Variants in NR1D2 observed in about 807,000 individuals in gnomAD.
NR1D2 encodes nuclear receptor subfamily 1 group D member 2.
In NR1D2, 25 loss-of-function variants were observed where a neutral mutation model predicts 52.2. The observed-to-expected ratio is 0.48, with a 90% confidence interval of 0.35 to 0.67. The LOEUF is 0.67. Ranked by LOEUF, NR1D2 falls within the 30% of genes least tolerant of loss-of-function variation. The probability of loss-of-function intolerance (pLI) is 0.01; values close to 1 mark genes in which losing one functional copy is unlikely to be tolerated. For missense variants in NR1D2, 681 were observed against 707.2 expected (o/e 0.96, Z 0.42); for synonymous variants, 259 against 230.1 (o/e 1.13, Z -1.14).
At chr3:23,968,158 C>T (rs1454022938) in intron 7 of NR1D2, 135 bp downstream of exon 7, 2 of 660,086 alleles carry the variant, frequency 3.0e-6, no homozygotes, top group Non-Finnish European at 5.3e-6. Flanking sequence ...TTGTATGACC[C>T]TGTTATTTTT....
rs760442210 is a variant in NR1D2, at chr3:23,954,806, A to G, written c.283+3A>G. 6 of 1,609,780 alleles carry G rather than the reference A, an allele frequency of 3.7e-6. No homozygotes were observed. Among genetic ancestry groups the G allele is most frequent in the East Asian group, 4.5e-5 (2 of 44,800 alleles). On this transcript the variant is annotated splice_donor_region_variant and intron_variant, in intron 2 of 7. Transcript: ENST00000312521. ...AAAAAGTCATAGTGGTGTGACAAGT[A>G]AGTTACTTTGGTTTTCTAAAGATTG...
chr3:23,947,827 C>A (rs57434897), intron 1 of NR1D2, among the ~76,000 whole-genome samples: 2,210 of 152,214 alleles, frequency 0.015, 48 homozygotes, highest in African/African-American at 0.05. Context: ...ATAAGAATTG[C>A]CTTAAACTGG....
intron 3 of NR1D2, among the ~76,000 whole-genome samples, chr3:23,957,148 A>C (rs1706100245): frequency 1.3e-5 from 2 of 151,824 alleles, no homozygotes; most frequent in South Asian, 4.2e-4. Flanking sequence ...ACTCCAGGCT[A>C]ATTTTTGTAT....
At chr3:23,949,749 A>G (rs928013227) in intron 1 of NR1D2, among the ~76,000 whole-genome samples, 1 of 152,258 alleles carries the variant, frequency 6.6e-6, no homozygotes, top group Non-Finnish European at 1.5e-5. Flanking sequence ...TCTTGGTGAT[A>G]AAATGTTTTG....
chr3:23,950,815 G>A (rs952763566), intron 1 of NR1D2, among the ~76,000 whole-genome samples: 1 of 151,854 alleles, frequency 6.6e-6, no homozygotes, highest in Non-Finnish European at 1.5e-5. Flanking sequence ...AATTAATTAC[G>A]ATACAGTCCA....
chr3:23,969,309 CAAA>C (rs368033025), intron 7 of NR1D2, among the ~76,000 whole-genome samples: 1 of 146,190 alleles, frequency 6.8e-6, no homozygotes, highest in Admixed American at 6.8e-5. Context: ...ACAAAAACAA[CAAA>C]AAAAAAACAA....
At position 23,945,511 on chromosome 3, in the gene NR1D2, A is replaced by G. The variant is rs1575140240; in HGVS notation, c.-68A>G. On this transcript the variant is annotated 5_prime_UTR_variant, in exon 1 of 8. An upstream open reading frame in the 5' UTR loses its in-frame stop. Coordinates refer to ENST00000312521, the MANE Select transcript of NR1D2 (RefSeq NM_005126.5). ...TCCAGCCCGGGGCGGCGCGGCGCTG[A>G]GGCGGCGGCGGCGGCGCTGCCCCCT... 2.1e-6 allele frequency: 2 copies of G among 931,888 alleles called. No homozygotes were observed. The highest frequency in any genetic ancestry group is 2.7e-6 in the Non-Finnish European group (2 of 748,180). 57.7% of individuals were successfully genotyped at this position (931,888 alleles called of 1,614,324 possible). A position where few individuals can be genotyped will look rare whatever the true frequency, so the allele number is the denominator to read the frequency against.
In NR1D2 at chr3:23,961,374, T is replaced by G. The variant is rs187212026; in HGVS notation, c.518-603T>G. 3.3e-3 allele frequency among the ~76,000 whole-genome samples: 501 copies of G among 149,594 alleles called. 3 individuals carry two copies. Among genetic ancestry groups the G allele is most frequent in the Non-Finnish European group, 3.1e-3 (213 of 67,730 alleles). ...TTTCATTAGCTAATTTCATATTTCT[T>G]TTTTCTTTTTCTTTCTTTTTTTTTT... is the stretch of plus-strand genomic sequence containing the variant. On this transcript the variant is annotated intron_variant, in intron 4 of 7. Transcript: ENST00000312521.
At chr3:23,972,730 G>T (rs1157379071) in intron 7 of NR1D2, among the ~76,000 whole-genome samples, 1 of 152,178 alleles carries the variant, frequency 6.6e-6, no homozygotes, top group Non-Finnish European at 1.5e-5. Flanking sequence ...TGCAGTACTA[G>T]TGTAGCATTT....
At chr3:23,968,901 G>A (rs1706516879) in intron 7 of NR1D2, among the ~76,000 whole-genome samples, 1 of 152,186 alleles carries the variant, frequency 6.6e-6, no homozygotes, top group Non-Finnish European at 1.5e-5. Context: ...TTCCTACTGT[G>A]TAAAGGGCAC....
At chr3:23,956,256 AT>A (rs1000697423) in intron 3 of NR1D2, 131 bp downstream of exon 3, 1 of 679,160 alleles carries the variant, frequency 1.5e-6, no homozygotes. Flanking sequence ...AGTTTTAAGC[AT>A]TTTATGTAGT....
chr3:23,979,060 G>A lies in NR1D2; in HGVS notation c.*1641G>A, dbSNP rs1181640605. ...AAAAATGATAACAGCCCGCTTTACT[G>A]TACTAAGCCTGTTACTTTCATGACG... On this transcript the variant is annotated 3_prime_UTR_variant, in exon 8 of 8. Coordinates refer to ENST00000312521, the MANE Select transcript of NR1D2 (RefSeq NM_005126.5). 6.6e-6 allele frequency: 1 copy of A among 152,022 alleles called. No individual in the cohort carries two copies. The highest frequency in any genetic ancestry group is 1.5e-5 in the Non-Finnish European group (1 of 67,936). The allele number at this position is 152,022 out of a possible 1,614,324, so 9.4% of individuals were successfully genotyped here. A position where few individuals can be genotyped will look rare whatever the true frequency, so the allele number is the denominator to read the frequency against.
chr3:23,965,986 C>T (rs570308854), intron 6 of NR1D2, among the ~76,000 whole-genome samples: 18 of 152,306 alleles, frequency 1.2e-4, no homozygotes, highest in East Asian at 9.7e-4. Flanking sequence ...TTTTCTGTCC[C>T]GCTTCTCTTG....
intron 1 of NR1D2, among the ~76,000 whole-genome samples, chr3:23,948,856 G>C (rs1309608865): frequency 3.9e-5 from 6 of 152,174 alleles, no homozygotes; most frequent in African/African-American, 1.4e-4. Flanking sequence ...TCTTCTTGAG[G>C]GTGAAGGAGA....
chr3:23,949,816 A>G (rs192909986), intron 1 of NR1D2, among the ~76,000 whole-genome samples: 1 of 152,394 alleles, frequency 6.6e-6, no homozygotes, highest in East Asian at 1.9e-4. Flanking sequence ...CATAATCTCC[A>G]GGATGGTGGA....
At chr3:23,954,269 C>G (rs1050665969) in intron 1 of NR1D2, among the ~76,000 whole-genome samples, 46 of 152,178 alleles carry the variant, frequency 3.0e-4, no homozygotes, top group Admixed American at 2.6e-3. Context: ...ACCTCAGCCC[C>G]CAAAGTACTA....
intron 7 of NR1D2, among the ~76,000 whole-genome samples, chr3:23,974,348 A>G (rs866222551): frequency 3.9e-5 from 6 of 152,124 alleles, no homozygotes; most frequent in Non-Finnish European, 5.9e-5. Context: ...CGTGTTAGTT[A>G]TGTGTTGTGC....
At position 23,962,117 on chromosome 3, in the gene NR1D2, G is replaced by A. The variant is rs763645387; in HGVS notation, c.658G>A (p.Ala220Thr). ...ATTAGTAGAACATCATGAACAGACA[G>A]CCTTGCCAGCCCAGGAACAGCTGCG... ...DTLVEHHEQT[A>T]LPAQEQLRPK... The change falls in exon 5 of 8, where the codon GCC becomes ACC. Residue 220 changes from alanine (A) to threonine (T), a missense_variant. Transcript: ENST00000312521. 1 of 1,614,154 alleles carries A rather than the reference G, an allele frequency of 6.2e-7. No homozygotes were observed. The highest frequency in any genetic ancestry group is 1.1e-5 in the South Asian group (1 of 91,082).
At chr3:23,958,644 A>G (rs982990370) in intron 3 of NR1D2, among the ~76,000 whole-genome samples, 1 of 46,296 alleles carries the variant, frequency 2.2e-5, no homozygotes, top group South Asian at 6.5e-4. Context: ...TGTCTCTTTA[A>G]AAAAAAAAAA....
Sources: gnomAD v4.1 joint callset for allele counts (sites outside exome capture counted in the v4.1 genomes callset) on GRCh38, gnomAD v4.1.1 for gene constraint, MANE v1.5 for transcripts, NCBI Gene and HGNC (gene_info 2026-07-23, HGNC 2026-07-21) for gene names.